Variants in HPSE2 observed in about 807,000 individuals in gnomAD.
HPSE2 encodes the protein inactive heparanase-2.
Under a neutral mutation model 60.5 loss-of-function variants are expected in HPSE2, and 38 were observed. That is an observed-to-expected ratio of 0.63 (90% confidence interval 0.48 to 0.82). The LOEUF is 0.82. HPSE2 is among the 40% of genes least tolerant of loss of function. The pLI, the probability that HPSE2 is intolerant of heterozygous loss-of-function variation, is 0.00. For synonymous variants in HPSE2, 295 were observed against 293.2 expected (o/e 1.01, Z -0.06); for missense variants, 713 against 740.4 (o/e 0.96, Z 0.43).
chr10:99,275,482 C>G, the HPSE2 span, among the ~76,000 whole-genome samples: 42 of 152,168 alleles, frequency 2.8e-4, no homozygotes, highest in East Asian at 7.9e-3. Context: ...AAACAATGAC[C>G]AACACATAAA....
chr10:98,696,799 A>G (rs1296333236), intron 5 of HPSE2, among the ~76,000 whole-genome samples: 2 of 152,168 alleles, frequency 1.3e-5, no homozygotes, highest in Non-Finnish European at 2.9e-5. Context: ...GGGTGGGGGA[A>G]GGCCGGCAGC....
intron 2 of HPSE2, among the ~76,000 whole-genome samples, chr10:99,197,702 G>A (rs1202550533): frequency 3.3e-5 from 5 of 152,088 alleles, no homozygotes; most frequent in Non-Finnish European, 4.4e-5. Flanking sequence ...AAGACAGAGA[G>A]AATATATCAT....
At chr10:98,831,491 C>T (rs1388188607) in intron 3 of HPSE2, among the ~76,000 whole-genome samples, 1 of 152,154 alleles carries the variant, frequency 6.6e-6, no homozygotes, top group Non-Finnish European at 1.5e-5. Context: ...AAAAACTTGG[C>T]TTATACATCC....
intron 3 of HPSE2, among the ~76,000 whole-genome samples, chr10:98,781,654 A>G (rs1424579454): frequency 1.3e-5 from 2 of 152,254 alleles, no homozygotes; most frequent in East Asian, 3.9e-4. Flanking sequence ...ATATAAATTA[A>G]AACATTTTCT....
intron 7 of HPSE2, among the ~76,000 whole-genome samples, chr10:98,631,266 A>G (rs938808614): frequency 1.3e-5 from 2 of 152,226 alleles, no homozygotes; most frequent in Non-Finnish European, 2.9e-5. Flanking sequence ...TTGCAACAAA[A>G]CATAAAATTA....
At chr10:99,013,094 T>C in intron 3 of HPSE2, 3 of 636,678 alleles carry the variant, frequency 4.7e-6, no homozygotes, top group Non-Finnish European at 9.0e-6. Flanking sequence ...AAGAGGTCAG[T>C]AGAGATAATC....
intron 3 of HPSE2, among the ~76,000 whole-genome samples, chr10:99,130,693 G>A (rs1845348542): frequency 6.6e-6 from 1 of 152,186 alleles, no homozygotes; most frequent in African/African-American, 2.4e-5. Context: ...AAGTTAAAAG[G>A]ATAAATGGTT....
rs766277741 is a variant in HPSE2, at chr10:99,232,214, T to TGC, written c.448+133_448+134insGC. 550 of 898,316 alleles carry TGC rather than the reference T, an allele frequency of 6.1e-4. 22 individuals carry two copies. Among genetic ancestry groups the TGC allele is most frequent in the Middle Eastern group, 2.0e-3 (6 of 3,056 alleles). 55.6% of individuals were successfully genotyped at this position (898,316 alleles called of 1,614,324 possible). A position where few individuals can be genotyped will look rare whatever the true frequency, so the allele number is the denominator to read the frequency against. ...ATCTGCCCCAACGCGCGCGCGCGCA[T>TGC]ACACACACACACACACACACACACA... On this transcript the variant is annotated intron_variant, in intron 2 of 11. Transcript: ENST00000370552.
rs1327879417 is a variant in HPSE2 at position 98,929,072 on chromosome 10, T to G, written c.611-185016A>C. ...AAAAACAAACAAACAAGCTTAAGCT[T>G]TTATTTATCCATTTACCACCAAATG... On this transcript the variant is annotated intron_variant, in intron 3 of 11. Transcript: ENST00000370552. Among the ~76,000 whole-genome samples, 4 of 143,604 alleles carry G rather than the reference T, an allele frequency of 2.8e-5. 1 individual carries two copies. The highest frequency in any genetic ancestry group is 6.0e-5 in the Non-Finnish European group (4 of 67,114). 94.2% of individuals were successfully genotyped at this position (143,604 alleles called of 152,430 possible). A position where few individuals can be genotyped will look rare whatever the true frequency, so the allele number is the denominator to read the frequency against.
chr10:98,618,163 G>C (rs546867), intron 8 of HPSE2, among the ~76,000 whole-genome samples: 45,143 of 151,938 alleles, frequency 0.3, 7,324 homozygotes, highest in African/African-American at 0.42. Flanking sequence ...TAAGAGAGAT[G>C]GGGAGCAGAA....
chr10:99,196,088 A>G (rs1045224573), intron 2 of HPSE2, among the ~76,000 whole-genome samples: 6 of 152,110 alleles, frequency 3.9e-5, no homozygotes, highest in Non-Finnish European at 5.9e-5. Context: ...ACAAAGGTAC[A>G]AAGAACACAC....
rs541678603 is a variant in HPSE2, at chr10:99,098,469, T to C, written c.610+45769A>G. On this transcript the variant is annotated intron_variant, in intron 3 of 11. Transcript: ENST00000370552. ...AGGCTATTTTCAATTCCATTGCTTT[T>C]AGCCTTCTTGAATTTTACAGAGCTT... 1.2e-3 allele frequency among the ~76,000 whole-genome samples: 181 copies of C among 152,354 alleles called. 3 individuals are homozygous for C. The highest frequency in any genetic ancestry group is 0.01 in the Middle Eastern group (3 of 294).
At chr10:98,809,355 T>C (rs1374554687) in intron 3 of HPSE2, among the ~76,000 whole-genome samples, 1 of 152,092 alleles carries the variant, frequency 6.6e-6, no homozygotes, top group Admixed American at 6.6e-5. Flanking sequence ...AATACAACCT[T>C]TTAAAATTAG....
At chr10:98,463,316 G>A (rs941864266) in intron 11 of HPSE2, among the ~76,000 whole-genome samples, 8 of 152,280 alleles carry the variant, frequency 5.3e-5, no homozygotes, top group Non-Finnish European at 7.3e-5. Context: ...CCCCTCCAAC[G>A]CTCACTGTGG....
At chr10:99,032,971 G>A (rs1423621731) in intron 3 of HPSE2, among the ~76,000 whole-genome samples, 1 of 152,174 alleles carries the variant, frequency 6.6e-6, no homozygotes, top group African/African-American at 2.4e-5. Flanking sequence ...AAGGTCAACT[G>A]ACTAGAAACC....
At chr10:98,714,878 A>T (rs905004132) in intron 5 of HPSE2, among the ~76,000 whole-genome samples, 5 of 151,790 alleles carry the variant, frequency 3.3e-5, no homozygotes, top group African/African-American at 1.2e-4. Context: ...TAGCTATTTT[A>T]GTGGATGTGA....
Position 98,458,537 on chromosome 10 carries a change from G to A in HPSE2, c.*1037C>T, listed in dbSNP as rs1940142623. 6.6e-6 allele frequency: 1 copy of A among 152,194 alleles called. No homozygotes were observed. Among genetic ancestry groups the A allele is most frequent in the African/African-American group, 2.4e-5 (1 of 41,440 alleles). 9.4% of individuals were successfully genotyped at this position (152,194 alleles called of 1,614,324 possible). On this transcript the variant is annotated 3_prime_UTR_variant, in exon 12 of 12. Transcript: ENST00000370552. ...TACTTGGGAAGAGGCAAAAAGGTTA[G>A]ATTCAGTTGTGTCTTCCAGTGATGA...
intron 3 of HPSE2, among the ~76,000 whole-genome samples, chr10:98,900,544 C>T (rs978851): frequency 0.63 from 95,383 of 151,924 alleles, 30,851 homozygotes; most frequent in South Asian, 0.79. Flanking sequence ...TAGTTATGCA[C>T]GAACATTATA....
At chr10:98,815,174 C>G (rs1381295168) in intron 3 of HPSE2, among the ~76,000 whole-genome samples, 1 of 152,120 alleles carries the variant, frequency 6.6e-6, no homozygotes, top group Non-Finnish European at 1.5e-5. Context: ...TCCCAGTACT[C>G]AGGAGGCTGA....
Sources: allele counts gnomAD v4.1 joint callset (sites outside exome capture counted in the v4.1 genomes callset), GRCh38; gene constraint gnomAD v4.1.1; transcripts MANE v1.5; gene names NCBI Gene and HGNC (gene_info 2026-07-23, HGNC 2026-07-21).